Variants in XPNPEP1 observed in about 807,000 individuals in gnomAD.
XPNPEP1 encodes X-prolyl aminopeptidase 1.
A neutral mutation model predicts 92.4 loss-of-function variants in XPNPEP1; 39 were observed. That is an observed-to-expected ratio of 0.42 (90% CI 0.33 to 0.55). The LOEUF is 0.55. Ranked by LOEUF, XPNPEP1 falls within the 20% of genes least tolerant of loss-of-function variation. The pLI is 0.08. For missense variants in XPNPEP1, 654 were observed against 856.1 expected (o/e 0.76, Z 2.95); for synonymous variants, 307 against 299.4 (o/e 1.03, Z -0.26).
intron 4 of XPNPEP1, 102 bp downstream of exon 4, chr10:109,892,910 G>C (rs1267250445): frequency 8.5e-7 from 1 of 1,180,790 alleles, no homozygotes; most frequent in Non-Finnish European, 1.2e-6. Flanking sequence ...CATCTGGTTT[G>C]CATTTTCTTT....
chr10:109,884,399 G>C (rs1848277431), intron 8 of XPNPEP1: 3 of 448,108 alleles, frequency 6.7e-6, no homozygotes, highest in Non-Finnish European at 1.2e-5. Flanking sequence ...GGGAATAAAA[G>C]CTATTAGTTG....
At chr10:109,883,413 G>A (rs1001506460) in intron 9 of XPNPEP1, among the ~76,000 whole-genome samples, 2 of 152,010 alleles carry the variant, frequency 1.3e-5, no homozygotes, top group African/African-American at 4.8e-5. Flanking sequence ...TCCAAGTCTA[G>A]GTCAGGCCCC....
intron 17 of XPNPEP1, 44 bp downstream of exon 17, chr10:109,871,747 CA>C: frequency 1.9e-6 from 3 of 1,595,842 alleles, no homozygotes; most frequent in Non-Finnish European, 2.6e-6. Context: ...ATTTGATTCT[CA>C]AACAAGAAAA....
intron 1 of XPNPEP1, among the ~76,000 whole-genome samples, chr10:109,918,804 GGAAAGGAAA>G (rs759422166): frequency 1.1e-3 from 152 of 140,374 alleles, no homozygotes; most frequent in African/African-American, 2.9e-3. Context: ...AGGAGAGGAA[GGAAAGGAAA>G]GAAAGGAAAG....
At chr10:109,903,987 GC>G (rs1196063070) in intron 3 of XPNPEP1, among the ~76,000 whole-genome samples, 1 of 151,508 alleles carries the variant, frequency 6.6e-6, no homozygotes, top group East Asian at 1.9e-4. Flanking sequence ...CAGGACTACA[GC>G]CATGAGCCAC....
chr10:109,887,558 A>G (rs1848459673), intron 7 of XPNPEP1, among the ~76,000 whole-genome samples: 1 of 152,088 alleles, frequency 6.6e-6, no homozygotes, highest in Non-Finnish European at 1.5e-5. Flanking sequence ...AATCCACACA[A>G]TGGTTCAGAG....
intron 5 of XPNPEP1, 158 bp downstream of exon 5, chr10:109,891,564 T>C (rs761822586): frequency 3.4e-5 from 19 of 550,952 alleles, no homozygotes; most frequent in Non-Finnish European, 5.0e-5. Context: ...TTGGTACGTA[T>C]GTATAGGCAT....
rs1346313238 is a variant in XPNPEP1, at chr10:109,913,674, T to C, written c.121+1337A>G. 2.0e-5 allele frequency among the ~76,000 whole-genome samples: 3 copies of C among 152,170 alleles called. 1 individual carries two copies. The East Asian group carries it at 5.8e-4, about 29-fold the overall frequency. ...GAACCGGGACTCAAGGTCTATGCAATTCCCAAGTCCATGCTCTATTACACC... is the reference window on the plus strand; with the variant it reads ...GAACCGGGACTCAAGGTCTATGCAACTCCCAAGTCCATGCTCTATTACACC... On this transcript the variant is annotated intron_variant, in intron 2 of 20. Coordinates refer to ENST00000502935, the MANE Select transcript of XPNPEP1 (RefSeq NM_020383.4).
intron 3 of XPNPEP1, among the ~76,000 whole-genome samples, chr10:109,902,657 G>C (rs1174104062): frequency 6.6e-6 from 1 of 152,252 alleles, no homozygotes; most frequent in African/African-American, 2.4e-5. Flanking sequence ...GGAGAGGGGT[G>C]ATGAAGATGG....
At chr10:109,886,611 A>T (rs1848404686) in intron 7 of XPNPEP1, among the ~76,000 whole-genome samples, 1 of 152,224 alleles carries the variant, frequency 6.6e-6, no homozygotes. Flanking sequence ...AGGCATAGAT[A>T]CGTGCCAGGC....
chr10:109,878,361 C>A (rs1051135145), intron 12 of XPNPEP1: 2 of 281,542 alleles, frequency 7.1e-6, no homozygotes, highest in Admixed American at 4.7e-5. Flanking sequence ...CCTAAGAAAT[C>A]ATCGTAAGAA....
In XPNPEP1 at chr10:109,888,527, C is replaced by T; in HGVS notation, c.484G>A (p.Val162Met). 2 of 1,611,864 alleles carry T rather than the reference C, an allele frequency of 1.2e-6. No individual in the cohort carries two copies. Among genetic ancestry groups the T allele is most frequent in the Non-Finnish European group, 1.7e-6 (2 of 1,178,878 alleles). Residue 162 changes from valine (V) to methionine (M), a missense_variant, in exon 6 of 21, where the codon GTG (valine) becomes ATG (methionine). Transcript: ENST00000502935. ...CCTGTAGGAATGATCAAGGGGTCCACACCAACCCTGGATCCTTCAGGAAGC... is the reference window on the plus strand; with the variant it reads ...CCTGTAGGAATGATCAAGGGGTCCATACCAACCCTGGATCCTTCAGGAAGC... ...SVLPEGSRVGVDPLIIPTDYW... is the reference protein window; with the variant it reads ...SVLPEGSRVGMDPLIIPTDYW...
chr10:109,888,649 T>C (rs1180894581), intron 5 of XPNPEP1, 54 bp from the exon 6 acceptor site: 2 of 1,404,824 alleles, frequency 1.4e-6, no homozygotes, highest in Non-Finnish European at 1.9e-6. Flanking sequence ...ACGCTCATTA[T>C]CCCACCAGAA....
At chr10:109,909,899 C>T (rs1849769436) in intron 2 of XPNPEP1, among the ~76,000 whole-genome samples, 1 of 152,190 alleles carries the variant, frequency 6.6e-6, no homozygotes, top group Non-Finnish European at 1.5e-5. Flanking sequence ...CCACTATCTG[C>T]ATCCCCAACC....
intron 18 of XPNPEP1, among the ~76,000 whole-genome samples, chr10:109,870,384 G>GT (rs1225475235): frequency 6.6e-6 from 1 of 152,116 alleles, no homozygotes; most frequent in East Asian, 1.9e-4. Context: ...AAAAGGCAAT[G>GT]TATCAAGTAA....
Position 109,880,847 on chromosome 10 carries a change from C to A in XPNPEP1, c.1126G>T (p.Ala376Ser), listed in dbSNP as rs1386356066. The change falls in exon 11 of 21, where the codon GCT (alanine) becomes TCT (serine). Residue 376 changes from alanine (A) to serine (S), a missense_variant. Coordinates refer to ENST00000502935, the MANE Select transcript of XPNPEP1 (RefSeq NM_020383.4). ...GCACCAGCTCCTCTACTCACGTGAG[C>A]CCGCCTCATGCCTTCTGACTCAGCT... ...NSAESEGMRR[A>S]HIKDAVALCE... 3.7e-6 allele frequency: 6 copies of A among 1,613,856 alleles called. No homozygotes were observed. Among genetic ancestry groups the A allele is most frequent in the South Asian group, 1.1e-5 (1 of 91,004 alleles).
At chr10:109,913,309 C>G (rs768147235) in intron 2 of XPNPEP1, among the ~76,000 whole-genome samples, 1 of 152,244 alleles carries the variant, frequency 6.6e-6, no homozygotes, top group Non-Finnish European at 1.5e-5. Flanking sequence ...AAGCACCATG[C>G]ACAGCATCTA....
intron 3 of XPNPEP1, among the ~76,000 whole-genome samples, chr10:109,895,467 T>A (rs990104697): frequency 6.6e-6 from 1 of 152,212 alleles, no homozygotes; most frequent in Admixed American, 6.5e-5. Flanking sequence ...ATGTTTAGTT[T>A]GGGATGGAGA....
At chr10:109,888,938 T>A (rs995240383) in intron 5 of XPNPEP1, among the ~76,000 whole-genome samples, 8 of 152,216 alleles carry the variant, frequency 5.3e-5, no homozygotes, top group African/African-American at 1.9e-4. Flanking sequence ...GTTCAGTCAC[T>A]TCCCCACTAC....
Sources: allele counts gnomAD v4.1 joint callset (sites outside exome capture counted in the v4.1 genomes callset), GRCh38; gene constraint gnomAD v4.1.1; transcripts MANE v1.5; gene names NCBI Gene and HGNC (gene_info 2026-07-23, HGNC 2026-07-21).